Variants in NTN4 observed in about 807,000 individuals in gnomAD.
The protein encoded by NTN4 is netrin-4.
In NTN4, 32 loss-of-function variants were observed where a neutral mutation model predicts 73.6. The ratio of observed to expected loss-of-function variants is 0.44; its 90% CI spans 0.33 to 0.58. NTN4 has a LOEUF of 0.58. Ranked by LOEUF, NTN4 falls within the 20% of genes least tolerant of loss-of-function variation. The pLI, the probability that NTN4 is intolerant of heterozygous loss-of-function variation, is 0.04. For synonymous variants in NTN4, 258 were observed against 287.5 expected (o/e 0.90, Z 1.04); for missense variants, 654 against 798.3 (o/e 0.82, Z 2.18).
At chr12:95,742,580 G>A (rs1157957484) in intron 2 of NTN4, among the ~76,000 whole-genome samples, 1 of 152,114 alleles carries the variant, frequency 6.6e-6, no homozygotes, top group Non-Finnish European at 1.5e-5. Flanking sequence ...TAATAAATGT[G>A]ATCATATTTT....
intron 2 of NTN4, among the ~76,000 whole-genome samples, chr12:95,770,994 T>TTC (rs72095880): frequency 0.011 from 192 of 17,972 alleles, 3 homozygotes; most frequent in Middle Eastern, 0.045. Flanking sequence ...AAGAATTTGT[T>TTC]TTTTTTTTTT....
chr12:95,672,307 G>A, intron 7 of NTN4: 1 of 777,350 alleles, frequency 1.3e-6, no homozygotes, highest in Non-Finnish European at 2.4e-6. Flanking sequence ...CCGCCGCCAT[G>A]GCCGCCTACA....
intron 2 of NTN4, among the ~76,000 whole-genome samples, chr12:95,763,953 C>A (rs992609825): frequency 3.3e-5 from 5 of 152,156 alleles, no homozygotes; most frequent in African/African-American, 1.2e-4. Context: ...GACTGAAGTT[C>A]CAATGTCATT....
intron 3 of NTN4, among the ~76,000 whole-genome samples, chr12:95,737,430 G>T (rs574586541): frequency 2.0e-5 from 3 of 152,258 alleles, no homozygotes; most frequent in East Asian, 1.9e-4. Flanking sequence ...TCATGGAGGA[G>T]AATTTTTATT....
chr12:95,689,139 T>G (rs2078384005), intron 5 of NTN4, among the ~76,000 whole-genome samples: 2 of 152,206 alleles, frequency 1.3e-5, no homozygotes, highest in African/African-American at 2.4e-5. Context: ...AAATGTTGCT[T>G]CTTCTGCCAA....
chr12:95,686,128 G>A (rs2078359340), intron 5 of NTN4, among the ~76,000 whole-genome samples: 1 of 152,076 alleles, frequency 6.6e-6, no homozygotes, highest in African/African-American at 2.4e-5. Context: ...CTGGGCTCAA[G>A]CAATGCTCTT....
intron 2 of NTN4, among the ~76,000 whole-genome samples, chr12:95,774,950 G>A (rs1296036937): frequency 6.6e-6 from 1 of 152,170 alleles, no homozygotes; most frequent in Non-Finnish European, 1.5e-5. Context: ...TTAGTATAGT[G>A]GAAATAGCAC....
At chr12:95,749,604 A>C (rs1272337060) in intron 2 of NTN4, among the ~76,000 whole-genome samples, 1 of 152,192 alleles carries the variant, frequency 6.6e-6, no homozygotes, top group Non-Finnish European at 1.5e-5. Context: ...CCGGTCACGG[A>C]CTGGGAAGGC....
rs919853863 is a variant in NTN4 at position 95,789,798 on chromosome 12, T to C, written c.55+457A>G. 6.4e-6 allele frequency: 1 copy of C among 157,104 alleles called. No homozygotes were observed. The highest frequency in any genetic ancestry group is 1.9e-4 in the East Asian group (1 of 5,378). 9.7% of individuals were successfully genotyped at this position (157,104 alleles called of 1,614,324 possible). A position where few individuals can be genotyped will look rare whatever the true frequency, so the allele number is the denominator to read the frequency against. On this transcript the variant is annotated intron_variant, in intron 1 of 9. Transcript: ENST00000343702. The surrounding 1 kb of genome is among the most constrained non-coding windows in gnomAD (Gnocchi z 4.0). ...CAGGTGTCCTTACCTGGTTCTCTAGTACCCAGCACCAGGTCAGGGACACCA... is the reference window on the plus strand; with the variant it reads ...CAGGTGTCCTTACCTGGTTCTCTAGCACCCAGCACCAGGTCAGGGACACCA...
chr12:95,750,690 A>C (rs2078899869), intron 2 of NTN4, among the ~76,000 whole-genome samples: 1 of 152,046 alleles, frequency 6.6e-6, no homozygotes, highest in Non-Finnish European at 1.5e-5. Context: ...TCCCCTCAGT[A>C]CCAACCCCAA....
chr12:95,754,590 C>G (rs2078934784), intron 2 of NTN4, among the ~76,000 whole-genome samples: 1 of 152,138 alleles, frequency 6.6e-6, no homozygotes, highest in Non-Finnish European at 1.5e-5. Context: ...TGATGACATT[C>G]CACCATTGTC....
chr12:95,771,075 C>T (rs919418371), intron 2 of NTN4, among the ~76,000 whole-genome samples: 2 of 149,542 alleles, frequency 1.3e-5, no homozygotes, highest in Non-Finnish European at 3.0e-5. Flanking sequence ...CTGCAAGCTC[C>T]GCCTCCCGGG....
At chr12:95,720,423 A>T (rs555310687) in intron 3 of NTN4, among the ~76,000 whole-genome samples, 1 of 152,298 alleles carries the variant, frequency 6.6e-6, no homozygotes, top group East Asian at 1.9e-4. Context: ...GGAATCATAC[A>T]TTATCCGCCT....
At chr12:95,688,451 C>T (rs1279629260) in intron 5 of NTN4, among the ~76,000 whole-genome samples, 1 of 151,834 alleles carries the variant, frequency 6.6e-6, no homozygotes, top group African/African-American at 2.4e-5. Context: ...GCAGATAGAT[C>T]CATGCTGAGG....
intron 2 of NTN4, among the ~76,000 whole-genome samples, chr12:95,754,768 C>T (rs898475357): frequency 6.6e-6 from 1 of 152,154 alleles, no homozygotes; most frequent in Non-Finnish European, 1.5e-5. Context: ...AAAACGGCCC[C>T]ACCCCATCTC....
intron 7 of NTN4, chr12:95,673,036 G>A (rs2120953606): frequency 6.8e-7 from 1 of 1,480,674 alleles, no homozygotes; most frequent in Non-Finnish European, 9.4e-7. Flanking sequence ...AGCCATGGAA[G>A]CTGTGGCTGC....
intron 2 of NTN4, among the ~76,000 whole-genome samples, chr12:95,758,341 C>T (rs1418859442): frequency 6.6e-6 from 1 of 152,156 alleles, no homozygotes; most frequent in Non-Finnish European, 1.5e-5. Context: ...TGATGCTGAG[C>T]ATCATTTCAT....
Position 95,748,784 on chromosome 12 carries a change from T to C in NTN4, c.586-10640A>G, listed in dbSNP as rs115936378. 4.8e-3 allele frequency among the ~76,000 whole-genome samples: 737 copies of C among 152,292 alleles called. 5 individuals carry two copies. The highest frequency in any genetic ancestry group is 0.017 in the African/African-American group (717 of 41,570). The stretch of plus-strand genomic sequence containing the variant: ...CCATGCCTGGCCCTATTTATATATA[T>C]AAAATCACATTTCTTCCCTACTGTG... On this transcript the variant is annotated intron_variant, in intron 2 of 9. Coordinates refer to ENST00000343702, the MANE Select transcript of NTN4 (RefSeq NM_021229.4).
chr12:95,659,726 A>G (rs1380243773), intron 9 of NTN4, among the ~76,000 whole-genome samples: 2 of 152,248 alleles, frequency 1.3e-5, no homozygotes, highest in African/African-American at 4.8e-5. Context: ...TAGCTTTGAA[A>G]ATAACCCTGT....
Sources: allele counts gnomAD v4.1 joint callset (sites outside exome capture counted in the v4.1 genomes callset), GRCh38; gene constraint gnomAD v4.1.1; non-coding constraint Gnocchi (gnomAD v3.1); transcripts MANE v1.5; gene names NCBI Gene and HGNC (gene_info 2026-07-23, HGNC 2026-07-21).